Variants in FAM234A observed in about 807,000 individuals in gnomAD.
FAM234A encodes protein FAM234A.
FAM234A carries 42 observed loss-of-function variants against 49.1 expected under a neutral mutation model. That is an observed-to-expected ratio of 0.86 (90% CI 0.67 to 1.11). The LOEUF (loss-of-function observed/expected upper bound fraction) is 1.11, where lower values mean the gene tolerates loss of function less well. Ranked by LOEUF, FAM234A falls within the 50% of genes least tolerant of loss-of-function variation. The probability of loss-of-function intolerance (pLI) is 0.00; values close to 1 mark genes in which losing one functional copy is unlikely to be tolerated. For synonymous variants in FAM234A, 369 were observed against 316.2 expected, an observed-to-expected ratio of 1.17 and a Z score of -1.77; for missense variants, 815 against 745.2, an observed-to-expected ratio of 1.09 and a Z score of -1.09.
downstream of FAM234A, among the ~76,000 whole-genome samples, chr16:266,855 G>T (rs1439915568): frequency 6.6e-6 from 1 of 152,100 alleles, no homozygotes; most frequent in Non-Finnish European, 1.5e-5. Flanking sequence ...AGAAGGGAAG[G>T]TTCACTGGGG....
In FAM234A at chr16:264,147, C is replaced by T. The variant is rs777133130; in HGVS notation, c.1320C>T (p.His440=). The T allele has an allele frequency of 1.7e-5, 28 of 1,605,642 alleles. No homozygotes were observed. The highest frequency in any genetic ancestry group is 1.7e-4 in the Admixed American group (10 of 59,420). ...CAGCCTTCTTCTTCTGGGGCCTCCACGAGCTGGGGAGCACCAGCGAGACGG... is the reference window on the plus strand; with the variant it reads ...CAGCCTTCTTCTTCTGGGGCCTCCATGAGCTGGGGAGCACCAGCGAGACGG... ...HRSAFFFWGL[H]ELGSTSETET... The change falls in exon 11 of 13, where the codon CAC becomes CAT. Residue 440 remains histidine, a synonymous_variant. Coordinates refer to ENST00000399932, the MANE Select transcript of FAM234A (RefSeq NM_032039.4).
intron 1 of FAM234A, among the ~76,000 whole-genome samples, chr16:244,246 G>A (rs1161799527): frequency 1.3e-5 from 2 of 152,234 alleles, no homozygotes; most frequent in African/African-American, 2.4e-5. Context: ...GGGATTACAG[G>A]CGTGAGCCAC....
At chr16:269,956 G>A (rs193198043), downstream of FAM234A, 126 of 214,526 alleles carry the variant, frequency 5.9e-4, 1 homozygote, top group South Asian at 9.5e-3. Flanking sequence ...GGTGGCTCAC[G>A]CCTGTGATCC....
At chr16:269,841 C>A (rs547863911), downstream of FAM234A, 4 of 447,464 alleles carry the variant, frequency 8.9e-6, no homozygotes, top group East Asian at 7.6e-5. Context: ...GAATAAACCG[C>A]GGCACCTCCT....
At chr16:262,692 C>T in intron 8 of FAM234A, 139 bp downstream of exon 8, 2 of 780,434 alleles carry the variant, frequency 2.6e-6, no homozygotes, top group Non-Finnish European at 3.7e-6. Flanking sequence ...CGCAAGGTCA[C>T]CCTGGGCTCA....
intron 1 of FAM234A, among the ~76,000 whole-genome samples, chr16:235,351 G>C (rs2050362098): frequency 6.6e-6 from 1 of 152,162 alleles, no homozygotes; most frequent in South Asian, 2.1e-4. Context: ...AAGCTTGTCC[G>C]TCCGGCACCC....
In FAM234A at chr16:263,344, C is replaced by G. The variant is rs758350615; in HGVS notation, c.1054C>G (p.Leu352Val). Residue 352 changes from leucine (L) to valine (V), a missense_variant, in exon 9 of 13, where the codon CTG (leucine) becomes GTG (valine). Physicochemically the swap from Leu to Val is conservative, Grantham distance 32. Coordinates refer to ENST00000399932, the MANE Select transcript of FAM234A (RefSeq NM_032039.4). Reference protein sequence around the residue: ...VLLVGSEAFVLLDGQELTPRW... With the variant: ...VLLVGSEAFVVLDGQELTPRW... ...TCTTGTGGGCTCAGAGGCCTTCGTG[C>G]TGCTGGACGGGCAGGAGCTGACGCC... 4 of 1,612,976 alleles carry G rather than the reference C, an allele frequency of 2.5e-6. No individual in the cohort carries two copies. Among genetic ancestry groups the G allele is most frequent in the African/African-American group, 2.7e-5 (2 of 75,068 alleles).
At chr16:238,622 C>T (rs2050487788) in intron 1 of FAM234A, among the ~76,000 whole-genome samples, 1 of 151,068 alleles carries the variant, frequency 6.6e-6, no homozygotes, top group East Asian at 2.0e-4. Context: ...AAAAATTAGC[C>T]AGGCGTGGTG....
rs373038324 is a variant in FAM234A at position 262,112 on chromosome 16, C to G, written c.728C>G (p.Ser243Cys). The G allele has an allele frequency of 6.2e-7, 1 of 1,614,056 alleles. No homozygotes were observed. The highest frequency in any genetic ancestry group is 8.5e-7 in the Non-Finnish European group (1 of 1,180,024). ...EREEVSGHLY[S>C]GSTGHQIGLR... is the part of the protein sequence containing the mutation. ...TTGCAGGTTAGTGGCCACCTCTACTCCGGCAGCACCGGGCACCAGATTGGC... is the reference window on the plus strand; with the variant it reads ...TTGCAGGTTAGTGGCCACCTCTACTGCGGCAGCACCGGGCACCAGATTGGC... Residue 243 changes from serine to cysteine, a missense_variant, in exon 7 of 13, where the codon TCC (serine) becomes TGC (cysteine). Ser to Cys is a moderately radical substitution (Grantham distance 112). Transcript: ENST00000399932.
chr16:253,497 C>T lies in FAM234A; in HGVS notation c.-33-884C>T, dbSNP rs957033132. ...ATGCATTTAATTTTTTTTTTTGAGA[C>T]GGAGTGTCACTCTGTCGCCCAGGCT... On this transcript the variant is annotated intron_variant, in intron 2 of 12. Transcript: ENST00000399932. Among the ~76,000 whole-genome samples, 7 of 150,630 alleles carry T rather than the reference C, an allele frequency of 4.6e-5. No individual in the cohort carries two copies. The East Asian group carries it at 5.8e-4, about 13-fold the overall frequency.
Position 264,643 on chromosome 16 carries a change from C to T in FAM234A, c.1374C>T (p.Tyr458=). 1 of 1,611,650 alleles carries T rather than the reference C, an allele frequency of 6.2e-7. No homozygotes were observed. The highest frequency in any genetic ancestry group is 1.7e-5 in the Admixed American group (1 of 60,028). Residue 458 remains tyrosine (Y), a synonymous_variant, in exon 12 of 13, where the codon TAC becomes TAT. Transcript: ENST00000399932. ...TETGEARHSL[Y]MFHPTLPRVL... ...CCGGGGAGGCCCGGCACAGCCTGTA[C>T]ATGTTCCACCCCACCCTGCCGCGCG...
intron 1 of FAM234A, among the ~76,000 whole-genome samples, chr16:247,699 C>G (rs931849470): frequency 6.6e-6 from 1 of 152,088 alleles, no homozygotes; most frequent in African/African-American, 2.4e-5. Flanking sequence ...TCCCAAAGGG[C>G]TGGGATTATA....
chr16:262,314 G>A, intron 7 of FAM234A, 89 bp downstream of exon 7: 1 of 1,573,556 alleles, frequency 6.4e-7, no homozygotes, highest in Non-Finnish European at 8.6e-7. Context: ...TGCTCTCGAG[G>A]TGCTGGAGTC....
At position 264,886 on chromosome 16, in the gene FAM234A, T is replaced by G; in HGVS notation, c.1523T>G (p.Leu508Arg). 6.2e-7 allele frequency: 1 copy of G among 1,612,898 alleles called. No homozygotes were observed. Among genetic ancestry groups the G allele is most frequent in the Non-Finnish European group, 8.5e-7 (1 of 1,179,972 alleles). The change falls in exon 13 of 13, where the codon CTG becomes CGG. Residue 508 changes from leucine (L) to arginine (R), a missense_variant. Coordinates refer to ENST00000399932, the MANE Select transcript of FAM234A (RefSeq NM_032039.4). ...TGPADSEAPG[L>R]VSVIKHKVRD... Reference sequence around the variant, plus strand: ...CCGGCAGACTCAGAGGCACCCGGCCTGGTCTCTGTGATCAAGCACAAGGTG... The same window carrying G: ...CCGGCAGACTCAGAGGCACCCGGCCGGGTCTCTGTGATCAAGCACAAGGTG...
Position 254,387 on chromosome 16 carries a change from G to A in FAM234A, c.-27G>A, listed in dbSNP as rs199939049. ...TCTTGCTTTATCGACACAGTGACCA[G>A]GAGTTAAACTTTGGGATGTGCCCGT... On this transcript the variant is annotated 5_prime_UTR_variant, in exon 3 of 13. Coordinates refer to ENST00000399932, the MANE Select transcript of FAM234A (RefSeq NM_032039.4). The A allele has an allele frequency of 2.5e-3, 4,056 of 1,611,728 alleles. 38 individuals carry two copies. The highest frequency in any genetic ancestry group is 2.1e-3 in the Non-Finnish European group (2,531 of 1,178,594).
At chr16:248,947 C>G (rs2050906160) in intron 1 of FAM234A, among the ~76,000 whole-genome samples, 1 of 151,910 alleles carries the variant, frequency 6.6e-6, no homozygotes, top group South Asian at 2.1e-4. Context: ...ATATTTATTA[C>G]TGATTTTTTA....
downstream of FAM234A, chr16:269,232 A>T: frequency 7.1e-7 from 1 of 1,401,684 alleles, no homozygotes; most frequent in Non-Finnish European, 9.9e-7. Context: ...CAGGACGTTG[A>T]GCTGCAGGGA....
At chr16:238,318 C>G (rs150890693) in intron 1 of FAM234A, among the ~76,000 whole-genome samples, 35 of 152,098 alleles carry the variant, frequency 2.3e-4, no homozygotes. Flanking sequence ...CGCCCCCGCC[C>G]CTGTCCGAAC....
Position 264,841 on chromosome 16 carries a change from C to A in FAM234A, c.1478C>A (p.Ala493Asp). 1.2e-6 allele frequency: 2 copies of A among 1,611,700 alleles called. No homozygotes were observed. The highest frequency in any genetic ancestry group is 2.2e-5 in the South Asian group (2 of 91,054). Residue 493 changes from alanine (A) to aspartate (D), a missense_variant, in exon 13 of 13, where the codon GCC becomes GAC. By Grantham distance (126) the Ala-to-Asp change is moderately radical. Transcript: ENST00000399932. ...CTGTTTGAGCCAAGCCGCCACGCCG[C>A]CTACATCCTTCTGACAGGCCCGGCA... The part of the protein sequence containing the change: ...AVLFEPSRHA[A>D]YILLTGPADS...
Sources: allele counts gnomAD v4.1 joint callset (sites outside exome capture counted in the v4.1 genomes callset), GRCh38; gene constraint gnomAD v4.1.1; transcripts MANE v1.5; gene names NCBI Gene and HGNC (gene_info 2026-07-23, HGNC 2026-07-21).